The following CHD3 variants were observed in gnomAD, a reference collection of about 807,000 sequenced individuals.
CHD3 encodes the protein chromodomain helicase DNA binding protein 3, also known as ATP-dependent chromatin remodeler CHD3.
Under a neutral mutation model 248.9 loss-of-function variants are expected in CHD3, and 52 were observed. The ratio of observed to expected loss-of-function variants is 0.21; its 90% CI spans 0.17 to 0.26. CHD3 has a LOEUF of 0.26. Ranked by LOEUF, CHD3 falls within the 10% of genes least tolerant of loss-of-function variation. CHD3 has a pLI of 1.00. For missense variants in CHD3, 1,482 were observed against 2,605.8 expected (o/e 0.57, Z 9.39); for synonymous variants, 985 against 985.2 (o/e 1.00, Z 0.00).
rs760985024 is a variant in CHD3 at position 7,901,012 on chromosome 17, G to T, written c.3120+19G>T. On this transcript the variant is annotated intron_variant, in intron 19 of 39. Coordinates refer to ENST00000330494, the MANE Select transcript of CHD3 (RefSeq NM_001005273.3). ...TGCTATGGTAGATACACAGAGCAGG[G>T]AGCTGATCGAACGCCCATTCTCAGA... 1.9e-6 allele frequency: 3 copies of T among 1,607,346 alleles called. No homozygotes were observed. Among genetic ancestry groups the T allele is most frequent in the Non-Finnish European group, 2.6e-6 (3 of 1,175,472 alleles).
rs1971596866 is a variant in CHD3, at chr17:7,911,061, T to A, written c.5881+88T>A. 3 of 1,544,596 alleles carry A rather than the reference T, an allele frequency of 1.9e-6. No homozygotes were observed. Among genetic ancestry groups the A allele is most frequent in the Non-Finnish European group, 2.7e-6 (3 of 1,130,120 alleles). On this transcript the variant is annotated intron_variant, in intron 39 of 39. Coordinates refer to ENST00000330494, the MANE Select transcript of CHD3 (RefSeq NM_001005273.3). The surrounding 1 kb of genome is among the most constrained non-coding windows in gnomAD (Gnocchi z 5.4). ...CTCAGCTGCCCTTTAACTGCTCTAG[T>A]CCATCTCATTTCCTTGGTGGTATCC...
chr17:7,895,288 G>T lies in CHD3; in HGVS notation c.1504-51G>T, dbSNP rs1969484045. The stretch of plus-strand genomic sequence containing the variant: ...ACCCCTATCTTCTCATCTAACAATG[G>T]GTTCTTTCTGCCTCTTTCTTTCCTC... On this transcript the variant is annotated intron_variant, in intron 9 of 39. Transcript: ENST00000330494. This position sits in a 1 kb window ranked among gnomAD's most constrained non-coding sequence, Gnocchi z 4.9. The T allele has an allele frequency of 6.2e-7, 1 of 1,602,588 alleles. No homozygotes were observed. The highest frequency in any genetic ancestry group is 1.3e-5 in the African/African-American group (1 of 74,636).
chr17:7,893,786 A>C lies in CHD3; in HGVS notation c.794-19A>C, dbSNP rs1597936064. ...ATGACCTCTCCTTTTTCCTCTTCTC[A>C]CCCCGACTCCTCATTCAGGTCCAGG... On this transcript the variant is annotated intron_variant, in intron 5 of 39. Transcript: ENST00000330494. 1 of 1,610,862 alleles carries C rather than the reference A, an allele frequency of 6.2e-7. No homozygotes were observed. Among genetic ancestry groups the C allele is most frequent in the Non-Finnish European group, 8.5e-7 (1 of 1,179,186 alleles).
chr17:7,891,839 G>A (rs943099067), intron 4 of CHD3, among the ~76,000 whole-genome samples: 32 of 152,030 alleles, frequency 2.1e-4, no homozygotes, highest in African/African-American at 4.6e-4. Flanking sequence ...GCTCTAGCCT[G>A]GGCAACAAGC....
chr17:7,906,866 C>T lies in CHD3; in HGVS notation c.4504-3C>T, dbSNP rs1269535467. ...ACCTAACCCTCCCACCCTGCCACCC[C>T]AGGTGCAGGAGTTTGAGCACATCAA... On this transcript the variant is annotated splice_region_variant and splice_polypyrimidine_tract_variant and intron_variant, in intron 29 of 39. Transcript: ENST00000330494. This position sits in a 1 kb window ranked among gnomAD's most constrained non-coding sequence, Gnocchi z 5.0. 6.2e-7 allele frequency: 1 copy of T among 1,613,920 alleles called. No individual in the cohort carries two copies. The highest frequency in any genetic ancestry group is 8.5e-7 in the Non-Finnish European group (1 of 1,179,960).
chr17:7,908,110 T>G lies in CHD3; in HGVS notation c.5152+91T>G. The stretch of plus-strand genomic sequence containing the variant: ...TTTTGCCTGAGGCTTCCTGCTACCT[T>G]TAATTCCAAGTAACTTCCAATGAAG... On this transcript the variant is annotated intron_variant, in intron 34 of 39. Transcript: ENST00000330494. This position sits in a 1 kb window ranked among gnomAD's most constrained non-coding sequence, Gnocchi z 5.8. 2.8e-6 allele frequency: 4 copies of G among 1,440,152 alleles called. No individual in the cohort carries two copies. The highest frequency in any genetic ancestry group is 3.8e-6 in the Non-Finnish European group (4 of 1,064,974). 89.2% of individuals were successfully genotyped at this position (1,440,152 alleles called of 1,614,324 possible). A position where few individuals can be genotyped will look rare whatever the true frequency, so the allele number is the denominator to read the frequency against.
In CHD3 at chr17:7,911,009, C is replaced by G. The variant is rs1170196885; in HGVS notation, c.5881+36C>G. On this transcript the variant is annotated intron_variant, in intron 39 of 39. Transcript: ENST00000330494. This position sits in a 1 kb window ranked among gnomAD's most constrained non-coding sequence, Gnocchi z 5.4. ...GTTTTCCTACCCCCTGCTACTCACA[C>G]TCCTCCTTTGCCAAACTTTATTTCT... 5.0e-6 allele frequency: 8 copies of G among 1,609,794 alleles called. No individual in the cohort carries two copies. The highest frequency in any genetic ancestry group is 6.8e-6 in the Non-Finnish European group (8 of 1,178,740).
rs1970109624 is a variant in CHD3 at position 7,899,851 on chromosome 17, A to T, written c.2545-45A>T. ...TGTCTGGTTCTGGAGGTGTAGGTGC[A>T]TGGTTGTCAGGTGGCAGCTGAATGG... On this transcript the variant is annotated intron_variant, in intron 15 of 39. Coordinates refer to ENST00000330494, the MANE Select transcript of CHD3 (RefSeq NM_001005273.3). The surrounding 1 kb of genome is among the most constrained non-coding windows in gnomAD (Gnocchi z 6.8). 1 of 1,601,258 alleles carries T rather than the reference A, an allele frequency of 6.2e-7. No individual in the cohort carries two copies.
intron 19 of CHD3, 94 bp from the exon 20 acceptor site, chr17:7,901,150 G>A: frequency 6.6e-7 from 1 of 1,522,608 alleles, no homozygotes. Context: ...ACATGTGGAA[G>A]CTGGATCCGG....
chr17:7,908,530 C>G lies in CHD3; in HGVS notation c.5261+20C>G. 1 of 1,586,192 alleles carries G rather than the reference C, an allele frequency of 6.3e-7. No individual in the cohort carries two copies. The highest frequency in any genetic ancestry group is 8.6e-7 in the Non-Finnish European group (1 of 1,160,752). The stretch of plus-strand genomic sequence containing the variant: ...TGTCCTGTATCCTTTGATACACATG[C>G]AAGAAGGAAAAGGTTCTCTCAAGCT... On this transcript the variant is annotated intron_variant, in intron 35 of 39. Transcript: ENST00000330494. This position sits in a 1 kb window ranked among gnomAD's most constrained non-coding sequence, Gnocchi z 5.8.
Position 7,895,096 on chromosome 17 carries a change from A to C in CHD3, c.1449A>C (p.Leu483=). 6.2e-7 allele frequency: 1 copy of C among 1,614,036 alleles called. No individual in the cohort carries two copies. The highest frequency in any genetic ancestry group is 8.5e-7 in the Non-Finnish European group (1 of 1,179,990). The change falls in exon 9 of 40, where the codon CTA becomes CTC. Residue 483 remains leucine, a synonymous_variant. Coordinates refer to ENST00000330494, the MANE Select transcript of CHD3 (RefSeq NM_001005273.3). The surrounding 1 kb of genome is among the most constrained non-coding windows in gnomAD (Gnocchi z 4.9). Reference sequence around the variant, plus strand: ...TCTCCTCCTACCACATTCATTGTCTAAACCCTCCCCTGCCTGACATTCCCA... The same window carrying C: ...TCTCCTCCTACCACATTCATTGTCTCAACCCTCCCCTGCCTGACATTCCCA... ...ACISSYHIHC[L]NPPLPDIPNG... is the part of the protein sequence containing the mutation.
At position 7,900,202 on chromosome 17, in the gene CHD3, A is replaced by T; in HGVS notation, c.2683-88A>T. 1 of 1,550,288 alleles carries T rather than the reference A, an allele frequency of 6.5e-7. No individual in the cohort carries two copies. Among genetic ancestry groups the T allele is most frequent in the Non-Finnish European group, 8.7e-7 (1 of 1,154,864 alleles). On this transcript the variant is annotated intron_variant, in intron 16 of 39. Coordinates refer to ENST00000330494, the MANE Select transcript of CHD3 (RefSeq NM_001005273.3). This position sits in a 1 kb window ranked among gnomAD's most constrained non-coding sequence, Gnocchi z 6.5. ...GGCCTCTGATCCTGAGTGAAATGGG[A>T]GCTGGGGCAGGGAAAGGCTGATGCT...
chr17:7,893,661 T>C lies in CHD3; in HGVS notation c.793+92T>C, dbSNP rs1232955227. ...GGAACTCTCGCCTTCCCAGCCCTGATTGCTGGAGGAGAGATGCTTTCCAGG... is the reference window on the plus strand; with the variant it reads ...GGAACTCTCGCCTTCCCAGCCCTGACTGCTGGAGGAGAGATGCTTTCCAGG... On this transcript the variant is annotated intron_variant, in intron 5 of 39. Coordinates refer to ENST00000330494, the MANE Select transcript of CHD3 (RefSeq NM_001005273.3). 33 of 1,528,036 alleles carry C rather than the reference T, an allele frequency of 2.2e-5. No homozygotes were observed. In the East Asian group the frequency reaches 4.7e-4, roughly 22 times the overall value. 94.7% of individuals were successfully genotyped at this position (1,528,036 alleles called of 1,614,324 possible). A position where few individuals can be genotyped will look rare whatever the true frequency, so the allele number is the denominator to read the frequency against.
At position 7,893,854 on chromosome 17, in the gene CHD3, C is replaced by T; in HGVS notation, c.843C>T (p.Arg281=). Residue 281 remains arginine (R), a synonymous_variant, in exon 6 of 40, where the codon CGC becomes CGT. Transcript: ENST00000330494. ...AGAGCCCCCGAGTGCCTGATGGACG[C>T]AAGAAGCTTCGGGGAAAGAAAATGG... ...RSKSPRVPDG[R]KKLRGKKMAP... is the part of the protein sequence containing the mutation. 2 of 1,613,748 alleles carry T rather than the reference C, an allele frequency of 1.2e-6. No individual in the cohort carries two copies. The highest frequency in any genetic ancestry group is 8.5e-7 in the Non-Finnish European group (1 of 1,179,904).
chr17:7,889,061 T>C lies in CHD3; in HGVS notation c.61T>C (p.Ser21Pro). Reference sequence around the variant, plus strand: ...AAGTAAAAATGACCAGCTGAGGATTTCTTTTCCTCCAGGACTGTGTTGGGG... The same window carrying C: ...AAGTAAAAATGACCAGCTGAGGATTCCTTTTCCTCCAGGACTGTGTTGGGG... ...ARSKNDQLRI[S>P]FPPGLCWGDR... Residue 21 changes from serine to proline, a missense_variant, in exon 1 of 40, where the codon TCT becomes CCT. By Grantham distance (74) the Ser-to-Pro change is moderately conservative. Around this residue, in one of 20 missense-constraint regions of CHD3, gnomAD observed 169 missense variants for 168.1 expected, o/e 1.01. Coordinates refer to ENST00000330494, the MANE Select transcript of CHD3 (RefSeq NM_001005273.3). This position sits in a 1 kb window ranked among gnomAD's most constrained non-coding sequence, Gnocchi z 4.5. The C allele has an allele frequency of 6.2e-7, 1 of 1,614,248 alleles. No individual in the cohort carries two copies. The highest frequency in any genetic ancestry group is 8.5e-7 in the Non-Finnish European group (1 of 1,180,038).
chr17:7,894,746 G>A (rs372699348), intron 8 of CHD3, 138 bp downstream of exon 8: 24 of 1,338,088 alleles, frequency 1.8e-5, no homozygotes, highest in African/African-American at 1.5e-4. Context: ...GGATCCTAAT[G>A]TATTCCTTTC....
In CHD3 at chr17:7,909,451, C is replaced by T; in HGVS notation, c.5590+113C>T. Reference sequence around the variant, plus strand: ...TGACCCCTCTACCTGCTGAACCATCCCCCTCTGACCTCTAACCCCACTCCT... The same window carrying T: ...TGACCCCTCTACCTGCTGAACCATCTCCCTCTGACCTCTAACCCCACTCCT... On this transcript the variant is annotated intron_variant, in intron 37 of 39. Coordinates refer to ENST00000330494, the MANE Select transcript of CHD3 (RefSeq NM_001005273.3). This position sits in a 1 kb window ranked among gnomAD's most constrained non-coding sequence, Gnocchi z 8.1. 2 of 1,388,740 alleles carry T rather than the reference C, an allele frequency of 1.4e-6. No homozygotes were observed. Among genetic ancestry groups the T allele is most frequent in the East Asian group, 2.6e-5 (1 of 39,066 alleles). The allele number at this position is 1,388,740 out of a possible 1,614,324, so 86.0% of individuals were successfully genotyped here. A position where few individuals can be genotyped will look rare whatever the true frequency, so the allele number is the denominator to read the frequency against.
At chr17:7,885,896 C>G (rs901261350), upstream of CHD3, among the ~76,000 whole-genome samples, 1 of 152,200 alleles carries the variant, frequency 6.6e-6, no homozygotes, top group African/African-American at 2.4e-5. Flanking sequence ...CCAGCCTGTG[C>G]AGGGACAGCA....
rs1475580072 is a variant in CHD3, at chr17:7,904,678, G to C, written c.4072+59G>C. 6.1e-6 allele frequency: 9 copies of C among 1,465,238 alleles called. No homozygotes were observed. Among genetic ancestry groups the C allele is most frequent in the Non-Finnish European group, 8.5e-6 (9 of 1,064,916 alleles). 90.8% of individuals were successfully genotyped at this position (1,465,238 alleles called of 1,614,324 possible). The stretch of plus-strand genomic sequence containing the variant: ...GGGAAGTGATGATGAGTAGGGACTT[G>C]AAGGCTGGAGCTATTTAGAGGGAAA... On this transcript the variant is annotated intron_variant, in intron 25 of 39. Coordinates refer to ENST00000330494, the MANE Select transcript of CHD3 (RefSeq NM_001005273.3). The surrounding 1 kb of genome is among the most constrained non-coding windows in gnomAD (Gnocchi z 4.4).
Sources: gnomAD v4.1 joint callset for allele counts (sites outside exome capture counted in the v4.1 genomes callset) on GRCh38, gnomAD v4.1.1 for gene constraint, gnomAD v4.1.1 regional missense constraint, Gnocchi (gnomAD v3.1) non-coding constraint, MANE v1.5 for transcripts, NCBI Gene and HGNC (gene_info 2026-07-23, HGNC 2026-07-21) for gene names.